KRT73: variants seen among roughly 807,000 people sequenced by gnomAD.
The protein encoded by KRT73 is keratin, type II cytoskeletal 73.
Under a neutral mutation model 47.2 loss-of-function variants are expected in KRT73, and 44 were observed. The ratio of observed to expected loss-of-function variants is 0.93; its 90% CI spans 0.73 to 1.20. KRT73 has a LOEUF of 1.20. KRT73 is among the 50% of genes most tolerant of loss of function. KRT73 has a pLI of 0.00. For missense variants in KRT73, 713 were observed against 704.5 expected (o/e 1.01, Z -0.14); for synonymous variants, 285 against 291.3 (o/e 0.98, Z 0.22).
chr12:52,614,175 C>T (rs1940762480), intron 4 of KRT73: 2 of 344,106 alleles, frequency 5.8e-6, no homozygotes, highest in East Asian at 5.4e-5. Context: ...AAATGCTTGG[C>T]CAATAGGTTG....
Position 52,608,331 on chromosome 12 carries a change from C to G in KRT73, c.1488G>C (p.Gly496=), listed in dbSNP as rs756849719. 1 of 1,613,978 alleles carries G rather than the reference C, an allele frequency of 6.2e-7. No individual in the cohort carries two copies. Among genetic ancestry groups the G allele is most frequent in the Non-Finnish European group, 8.5e-7 (1 of 1,180,026 alleles). The change falls in exon 9 of 9, where the codon GGG becomes GGC. Residue 496 remains glycine (G), a synonymous_variant. Coordinates refer to ENST00000305748, the MANE Select transcript of KRT73 (RefSeq NM_175068.3). ...SVSGGYSMLP[G]GCVTGSGNCS... is the part of the protein sequence containing the mutation. The stretch of plus-strand genomic sequence containing the variant: ...AGTTCCCACTGCCAGTGACACAGCC[C>G]CCAGGCAGCATGCTGTAGCCCCCGC...
At chr12:52,622,387 A>G (rs185071882), upstream of KRT73, among the ~76,000 whole-genome samples, 50 of 152,334 alleles carry the variant, frequency 3.3e-4, no homozygotes, top group African/African-American at 1.1e-3. Flanking sequence ...ACATGGAATA[A>G]ACATCTGGGA....
upstream of KRT73, among the ~76,000 whole-genome samples, chr12:52,618,927 A>G (rs1277458905): frequency 6.6e-6 from 1 of 152,142 alleles, no homozygotes; most frequent in Non-Finnish European, 1.5e-5. Flanking sequence ...ATCTGTTAGA[A>G]ATCTCACAAC....
At chr12:52,615,159 T>C in intron 3 of KRT73, 120 bp downstream of exon 3, 2 of 780,282 alleles carry the variant, frequency 2.6e-6, no homozygotes, top group Non-Finnish European at 4.3e-6. Context: ...GCCCTTCATC[T>C]CCTCCTTCAG....
chr12:52,625,570 G>T, the KRT73 span, among the ~76,000 whole-genome samples: 1 of 152,012 alleles, frequency 6.6e-6, no homozygotes, highest in East Asian at 1.9e-4. Context: ...CTGGAAAACA[G>T]TTTAGCAGTT....
At chr12:52,625,813 A>C in the KRT73 span, among the ~76,000 whole-genome samples, 1 of 152,130 alleles carries the variant, frequency 6.6e-6, no homozygotes, top group Non-Finnish European at 1.5e-5. Context: ...ATAAACTATC[A>C]CTACATGCAA....
chr12:52,611,261 T>A lies in KRT73; in HGVS notation c.1053A>T (p.Ser351=). ...DDLKHTKNEI[S]ELTRLIQRLR... Reference sequence around the variant, plus strand: ...GTCTTTGGATGAGACGGGTCAGCTCTGAGATCTCATTTTTGGTGTGTTTCA... The same window carrying A: ...GTCTTTGGATGAGACGGGTCAGCTCAGAGATCTCATTTTTGGTGTGTTTCA... Residue 351 remains serine (S), a synonymous_variant, in exon 6 of 9, where the codon TCA becomes TCT. Coordinates refer to ENST00000305748, the MANE Select transcript of KRT73 (RefSeq NM_175068.3). The A allele has an allele frequency of 6.2e-7, 1 of 1,614,196 alleles. No homozygotes were observed. Among genetic ancestry groups the A allele is most frequent in the Non-Finnish European group, 8.5e-7 (1 of 1,180,038 alleles).
At chr12:52,615,121 A>G in intron 3 of KRT73, 158 bp downstream of exon 3, 2 of 609,790 alleles carry the variant, frequency 3.3e-6, no homozygotes, top group East Asian at 2.7e-5. Context: ...AACCAACACC[A>G]GGTGTCCCAA....
chr12:52,624,296 C>T, the KRT73 span, among the ~76,000 whole-genome samples: 3 of 151,990 alleles, frequency 2.0e-5, no homozygotes, highest in South Asian at 2.1e-4. Context: ...ATTAGATAGA[C>T]AAATCCACAA....
chr12:52,622,929 A>AT (rs1240822836), upstream of KRT73, among the ~76,000 whole-genome samples: 1 of 152,246 alleles, frequency 6.6e-6, no homozygotes, highest in Admixed American at 6.5e-5. Flanking sequence ...AATCTGAATA[A>AT]TAAAGAGAAC....
At chr12:52,623,786 A>G in the KRT73 span, among the ~76,000 whole-genome samples, 17 of 152,146 alleles carry the variant, frequency 1.1e-4, no homozygotes, top group African/African-American at 4.1e-4. Context: ...TTATGTATAT[A>G]TAATAAAATA....
At chr12:52,617,530 CTG>C (rs200837503) in intron 1 of KRT73, among the ~76,000 whole-genome samples, 2 of 149,836 alleles carry the variant, frequency 1.3e-5, no homozygotes, top group Non-Finnish European at 2.9e-5. Flanking sequence ...GCCTCATAGG[CTG>C]TGTGTGTTAC....
chr12:52,615,384 G>T, intron 2 of KRT73, 45 bp from the exon 3 acceptor site: 2 of 1,464,620 alleles, frequency 1.4e-6, no homozygotes, highest in South Asian at 1.1e-5. Context: ...GTCTGTGTGT[G>T]TGTGTATACG....
chr12:52,629,071 C>T, the KRT73 span, among the ~76,000 whole-genome samples: 1 of 152,288 alleles, frequency 6.6e-6, no homozygotes, highest in South Asian at 2.1e-4. Flanking sequence ...CCAGCTGGCC[C>T]CCAAGGACCT....
At chr12:52,609,192 A>G in intron 8 of KRT73, 55 bp downstream of exon 8, 1 of 1,536,814 alleles carries the variant, frequency 6.5e-7, no homozygotes, top group South Asian at 1.1e-5. Flanking sequence ...ACACCCACCC[A>G]CTTTGTGTTT....
At chr12:52,625,162 A>G in the KRT73 span, among the ~76,000 whole-genome samples, 4 of 152,302 alleles carry the variant, frequency 2.6e-5, no homozygotes, top group East Asian at 5.8e-4. Flanking sequence ...CATCAAAATT[A>G]AAAACTTTGT....
intron 6 of KRT73, 93 bp downstream of exon 6, chr12:52,611,111 G>C: frequency 6.7e-7 from 1 of 1,488,094 alleles, no homozygotes; most frequent in Non-Finnish European, 9.2e-7. Context: ...AGGGGATTCT[G>C]AAATGGATGC....
rs1592242215 is a variant in KRT73, at chr12:52,610,850, T to A, written c.1111-15A>T. 3 of 1,600,820 alleles carry A rather than the reference T, an allele frequency of 1.9e-6. No homozygotes were observed. Among genetic ancestry groups the A allele is most frequent in the African/African-American group, 1.3e-5 (1 of 74,756 alleles). On this transcript the variant is annotated splice_polypyrimidine_tract_variant and intron_variant, in intron 6 of 8. Transcript: ENST00000305748. Reference sequence around the variant, plus strand: ...AGGTTGGCACACTGGGGTCAGGAGGTAGCATTTCTCCCTGAGTTCCTCCCT... The same window carrying A: ...AGGTTGGCACACTGGGGTCAGGAGGAAGCATTTCTCCCTGAGTTCCTCCCT...
At chr12:52,613,947 C>G in intron 4 of KRT73, 95 bp from the exon 5 acceptor site, 1 of 1,518,304 alleles carries the variant, frequency 6.6e-7, no homozygotes, top group Non-Finnish European at 8.9e-7. Context: ...CCTAGACCAT[C>G]CCACACAGAT....
Sources: gnomAD v4.1 joint callset for allele counts (sites outside exome capture counted in the v4.1 genomes callset) on GRCh38, gnomAD v4.1.1 for gene constraint, MANE v1.5 for transcripts, NCBI Gene and HGNC (gene_info 2026-07-23, HGNC 2026-07-21) for gene names.